GPR143: variants seen among roughly 807,000 people sequenced by gnomAD.
GPR143 encodes G-protein coupled receptor 143.
A neutral mutation model predicts 27.6 loss-of-function variants in GPR143; 8 were observed. The ratio of observed to expected loss-of-function variants is 0.29; its 90% CI spans 0.17 to 0.52. The LOEUF is 0.52. Ranked by LOEUF, GPR143 falls within the 20% of genes least tolerant of loss-of-function variation. The probability of loss-of-function intolerance (pLI) is 0.96; values close to 1 mark genes in which losing one functional copy is unlikely to be tolerated. For missense variants in GPR143, 303 were observed against 343.1 expected, an observed-to-expected ratio of 0.88 and a Z score of 0.92; for synonymous variants, 156 against 153.2, an observed-to-expected ratio of 1.02 and a Z score of -0.13.
At chrX:9,763,233 C>A (rs183363668) in intron 1 of GPR143, among the ~76,000 whole-genome samples, 1 of 111,068 alleles carries the variant, frequency 9.0e-6, no homozygotes, top group African/African-American at 3.3e-5. Flanking sequence ...GCCACCGCAC[C>A]TTTAGGAGGC....
intron 4 of GPR143, among the ~76,000 whole-genome samples, chrX:9,747,451 C>T (rs181705684): frequency 1.3e-4 from 14 of 111,235 alleles, no homozygotes; most frequent in African/African-American, 3.6e-4. Flanking sequence ...GTCCCACAGG[C>T]GAGGGAGAGT....
chrX:9,736,678 C>A (rs2083380832), intron 8 of GPR143, among the ~76,000 whole-genome samples: 1 of 111,688 alleles, frequency 9.0e-6, no homozygotes, highest in South Asian at 3.8e-4. Flanking sequence ...ACAGATGTTA[C>A]CTAATAATAT....
chrX:9,778,523 C>T (rs1037967833), intron 1 of GPR143, among the ~76,000 whole-genome samples: 1 of 109,730 alleles, frequency 9.1e-6, no homozygotes, highest in Non-Finnish European at 1.9e-5. Flanking sequence ...TGTACATTGG[C>T]ACTGAGTAAC....
rs762841550 is a variant in GPR143, at chrX:9,753,877, C to T, written c.456-5211G>A. The stretch of plus-strand genomic sequence containing the variant: ...AGGAGAGCGGGGGACTTGCCTTTCG[C>T]CTCCCCATTCCCTGCACAGCTGGCA... On this transcript the variant is annotated intron_variant, in intron 3 of 8. Transcript: ENST00000467482. 4.5e-5 allele frequency among the ~76,000 whole-genome samples: 5 copies of T among 111,868 alleles called. No individual in the cohort carries two copies. In the South Asian group the frequency reaches 1.9e-3, roughly 42 times the overall value.
At position 9,772,098 on chromosome X, in the gene GPR143, T is replaced by C. The variant is rs189157262; in HGVS notation, c.-2-11272A>G. Reference sequence around the variant, plus strand: ...ATGTCCTTCCTCTTGGATTCTGATGTGTTTGGGACTAACCTGGGACAGAAG... The same window carrying C: ...ATGTCCTTCCTCTTGGATTCTGATGCGTTTGGGACTAACCTGGGACAGAAG... On this transcript the variant is annotated intron_variant, in intron 1 of 7. Transcript: ENST00000447366. Among the ~76,000 whole-genome samples the C allele has an allele frequency of 1.3e-3, 142 of 111,499 alleles. 1 individual carries two copies. Among genetic ancestry groups the C allele is most frequent in the African/African-American group, 4.4e-3 (134 of 30,687 alleles).
chrX:9,753,373 TAAATAA>T (rs1191724088), intron 3 of GPR143, among the ~76,000 whole-genome samples: 1 of 27,576 alleles, frequency 3.6e-5, no homozygotes, highest in Non-Finnish European at 7.8e-5. Context: ...AATAAATAAA[TAAATAA>T]AAATAAAAAT....
At chrX:9,758,991 A>G (rs1178556101) in intron 3 of GPR143, among the ~76,000 whole-genome samples, 1 of 112,033 alleles carries the variant, frequency 8.9e-6, no homozygotes, top group East Asian at 2.8e-4. Context: ...CTTGCTTTCA[A>G]GGTTTTTAAA....
chrX:9,762,065 C>T (rs955242179), intron 1 of GPR143, among the ~76,000 whole-genome samples: 4 of 110,564 alleles, frequency 3.6e-5, no homozygotes, highest in Non-Finnish European at 5.7e-5. Flanking sequence ...CCAGCCTGGG[C>T]GACAGAGTGA....
Position 9,765,489 on chromosome X carries a change from T to C in GPR143, c.250+79A>G, listed in dbSNP as rs1601891429. On this transcript the variant is annotated intron_variant, in intron 1 of 8. Coordinates refer to ENST00000467482, the MANE Select transcript of GPR143 (RefSeq NM_000273.3). ...CCGTGCGCCCTTATCCGGGCACCAG[T>C]CGGGTCTCAACCTGCGGGCCACGCG... 6 of 927,462 alleles carry C rather than the reference T, an allele frequency of 6.5e-6. No homozygotes were observed. In the East Asian group the frequency reaches 2.7e-4, roughly 41 times the overall value. 76.4% of individuals were successfully genotyped at this position (927,462 alleles called of 1,213,427 possible). A position where few individuals can be genotyped will look rare whatever the true frequency, so the allele number is the denominator to read the frequency against.
chrX:9,768,010 T>C (rs1399686727), upstream of GPR143, among the ~76,000 whole-genome samples: 1 of 111,520 alleles, frequency 9.0e-6, no homozygotes, highest in Non-Finnish European at 1.9e-5. Context: ...GCTTCCTACG[T>C]GATAACCTGG....
chrX:9,725,936 T>C lies in GPR143; in HGVS notation c.1121-96A>G, dbSNP rs1251644191. The C allele has an allele frequency of 4.7e-6, 5 of 1,062,777 alleles. No homozygotes were observed. In the Admixed American group the frequency reaches 9.2e-5, roughly 19 times the overall value. 87.6% of individuals were successfully genotyped at this position (1,062,777 alleles called of 1,213,427 possible). On this transcript the variant is annotated intron_variant, in intron 8 of 8. Transcript: ENST00000467482. ...CTCAGTATTCAGTGCATGGAGTTTT[T>C]CATGGACCAACTTTGGTCAAAGTCC...
intron 1 of GPR143, among the ~76,000 whole-genome samples, chrX:9,763,223 G>T (rs1002424162): frequency 9.0e-6 from 1 of 110,964 alleles, no homozygotes; most frequent in Non-Finnish European, 1.9e-5. Context: ...ACAGGCGTGA[G>T]CCACCGCACC....
chrX:9,739,196 A>G (rs1329669007), intron 8 of GPR143, among the ~76,000 whole-genome samples: 2 of 112,775 alleles, frequency 1.8e-5, no homozygotes, highest in Non-Finnish European at 3.7e-5. Context: ...TAGCTCAGAC[A>G]ACATCTGGAA....
intron 3 of GPR143, among the ~76,000 whole-genome samples, chrX:9,749,508 A>G (rs1188933081): frequency 1.8e-5 from 2 of 111,660 alleles, no homozygotes; most frequent in Non-Finnish European, 1.9e-5. Context: ...CATGTTCTGG[A>G]TATTTCATGT....
Position 9,725,479 on chromosome X carries a change from G to A in GPR143, c.*267C>T, listed in dbSNP as rs749478926. ...GGACCTTACACTTACTTTACAGCCA[G>A]CCTCAGAAAACTTCCTAGTGGCAAC... On this transcript the variant is annotated 3_prime_UTR_variant, in exon 9 of 9. Coordinates refer to ENST00000467482, the MANE Select transcript of GPR143 (RefSeq NM_000273.3). 2.1e-5 allele frequency: 7 copies of A among 332,778 alleles called. No individual in the cohort carries two copies. Among genetic ancestry groups the A allele is most frequent in the Non-Finnish European group, 3.7e-5 (7 of 191,448 alleles). The allele number at this position is 332,778 out of a possible 1,213,427, so 27.4% of individuals were successfully genotyped here.
chrX:9,733,779 T>C (rs1010333834), intron 8 of GPR143, among the ~76,000 whole-genome samples: 2 of 110,740 alleles, frequency 1.8e-5, no homozygotes, highest in African/African-American at 6.6e-5. Context: ...CAGATTGTGG[T>C]AGAAAATAGA....
chrX:9,770,117 C>T (rs1308143224), upstream of GPR143, among the ~76,000 whole-genome samples: 1 of 89,950 alleles, frequency 1.1e-5, no homozygotes, highest in African/African-American at 4.4e-5. Context: ...TCAAGACCAG[C>T]CTGGGGCAAC....
At chrX:9,764,981 G>A (rs2083522289) in intron 1 of GPR143, among the ~76,000 whole-genome samples, 1 of 103,326 alleles carries the variant, frequency 9.7e-6, no homozygotes, top group South Asian at 4.5e-4. Flanking sequence ...CCGAGATTGC[G>A]CCACTGCACT....
intron 8 of GPR143, among the ~76,000 whole-genome samples, chrX:9,731,939 T>C (rs1411798314): frequency 1.8e-5 from 2 of 109,466 alleles, no homozygotes; most frequent in Non-Finnish European, 3.8e-5. Context: ...TGGAGGAAAA[T>C]GTTGAATTTG....
Sources: allele counts gnomAD v4.1 joint callset (sites outside exome capture counted in the v4.1 genomes callset), GRCh38; gene constraint gnomAD v4.1.1; transcripts MANE v1.5; gene names NCBI Gene and HGNC (gene_info 2026-07-23, HGNC 2026-07-21).